The following SLC2A4RG variants were observed in gnomAD, a reference collection of about 807,000 sequenced individuals.
The protein encoded by SLC2A4RG is SLC2A4 regulator.
In SLC2A4RG, 23 loss-of-function variants were observed where a neutral mutation model predicts 35.5. The observed-to-expected ratio is 0.65, with a 90% CI of 0.47 to 0.92. SLC2A4RG has a LOEUF of 0.92. Ranked by LOEUF, SLC2A4RG falls within the 40% of genes least tolerant of loss-of-function variation. The pLI, the probability that SLC2A4RG is intolerant of heterozygous loss-of-function variation, is 0.00. For synonymous variants in SLC2A4RG, 306 were observed against 243.7 expected (o/e 1.26, Z -2.38); for missense variants, 539 against 525.0 (o/e 1.03, Z -0.26).
At position 63,741,932 on chromosome 20, in the gene SLC2A4RG, G is replaced by A; in HGVS notation, c.455G>A (p.Ser152Asn). The A allele has an allele frequency of 6.2e-7, 1 of 1,612,566 alleles. No homozygotes were observed. Among genetic ancestry groups the A allele is most frequent in the Non-Finnish European group, 8.5e-7 (1 of 1,179,728 alleles). The change falls in exon 4 of 8, where the codon AGC becomes AAC. Residue 152 changes from serine to asparagine, a missense_variant. Ser to Asn is a conservative substitution (Grantham distance 46). Coordinates refer to ENST00000266077, the MANE Select transcript of SLC2A4RG (RefSeq NM_020062.4). Reference protein sequence around the residue: ...VRPPGSYSSSSNSGDWGWDLA... With the variant: ...VRPPGSYSSSNNSGDWGWDLA... ...CCCCCAGGCAGCTACAGCAGCAGCA[G>A]CAACAGTGGAGACTGGGGATGGGAC...
In SLC2A4RG at chr20:63,740,487, G is replaced by A; in HGVS notation, c.237G>A (p.Ala79=). 1 of 1,229,880 alleles carries A rather than the reference G, an allele frequency of 8.1e-7. No individual in the cohort carries two copies. The highest frequency in any genetic ancestry group is 4.1e-5 in the South Asian group (1 of 24,362). The allele number at this position is 1,229,880 out of a possible 1,614,324, so 76.2% of individuals were successfully genotyped here. ...CCCGGACGTGGACGGGGGCGGCGGCGGGGCCCCGGACTCCGTCGGCGCACA... is the reference window on the plus strand; with the variant it reads ...CCCGGACGTGGACGGGGGCGGCGGCAGGGCCCCGGACTCCGTCGGCGCACA... ...GAPRTWTGAA[A]GPRTPSAHIP... is the part of the protein sequence containing the mutation. The change falls in exon 2 of 8, where the codon GCG becomes GCA. Residue 79 remains alanine, a synonymous_variant. Coordinates refer to ENST00000266077, the MANE Select transcript of SLC2A4RG (RefSeq NM_020062.4).
At position 63,739,863 on chromosome 20, in the gene SLC2A4RG, C is replaced by A. The variant is rs961768806; in HGVS notation, c.-50C>A. ...AGCCCGGCCCGGCCCGGGGCCGCGT[C>A]CTGAGAGTCAGCCCTCGCCGCTGCA... On this transcript the variant is annotated 5_prime_UTR_variant, in exon 1 of 8. Transcript: ENST00000266077. The A allele has an allele frequency of 2.0e-6, 2 of 977,372 alleles. No individual in the cohort carries two copies. The highest frequency in any genetic ancestry group is 1.8e-5 in the African/African-American group (1 of 56,142). 60.5% of individuals were successfully genotyped at this position (977,372 alleles called of 1,614,324 possible). A position where few individuals can be genotyped will look rare whatever the true frequency, so the allele number is the denominator to read the frequency against.
rs1460397387 is a variant in SLC2A4RG, at chr20:63,743,021, C to T, written c.*31C>T. 3 of 1,545,782 alleles carry T rather than the reference C, an allele frequency of 1.9e-6. No individual in the cohort carries two copies. Among genetic ancestry groups the T allele is most frequent in the Non-Finnish European group, 2.6e-6 (3 of 1,137,928 alleles). On this transcript the variant is annotated 3_prime_UTR_variant, in exon 8 of 8. Transcript: ENST00000266077. ...GCTCGTTCAAGAACATAAGCTACCA[C>T]CTTCTCCCTCCCCACCCCCTCCAGG...
chr20:63,740,321 G>T, intron 1 of SLC2A4RG, 56 bp from the exon 2 acceptor site: 1 of 1,127,492 alleles, frequency 8.9e-7, no homozygotes. Context: ...GGAGGTTGAG[G>T]GACCCCCCTC....
chr20:63,743,995 T>A lies in SLC2A4RG; in HGVS notation c.*1005T>A, dbSNP rs2145727192. On this transcript the variant is annotated 3_prime_UTR_variant, in exon 8 of 8. Coordinates refer to ENST00000266077, the MANE Select transcript of SLC2A4RG (RefSeq NM_020062.4). ...AACACTGCCCTTTTTTTGTGTGTTTTGTTTTTGTTGACAGGTTGAAAGCAT... is the reference window on the plus strand; with the variant it reads ...AACACTGCCCTTTTTTTGTGTGTTTAGTTTTTGTTGACAGGTTGAAAGCAT... 1 of 149,384 alleles carries A rather than the reference T, an allele frequency of 6.7e-6. No homozygotes were observed. The highest frequency in any genetic ancestry group is 2.6e-5 in the African/African-American group (1 of 38,416). The allele number at this position is 149,384 out of a possible 1,614,324, so 9.3% of individuals were successfully genotyped here. A position where few individuals can be genotyped will look rare whatever the true frequency, so the allele number is the denominator to read the frequency against.
chr20:63,743,074 C>T lies in SLC2A4RG; in HGVS notation c.*84C>T. ...CGGGGCTGAAACAGCCCGAGGACAG[C>T]CCCAGGGGCTGGCTTTCACCAGCTG... On this transcript the variant is annotated 3_prime_UTR_variant, in exon 8 of 8. Coordinates refer to ENST00000266077, the MANE Select transcript of SLC2A4RG (RefSeq NM_020062.4). 1.1e-6 allele frequency: 1 copy of T among 933,334 alleles called. No homozygotes were observed. The highest frequency in any genetic ancestry group is 1.5e-6 in the Non-Finnish European group (1 of 685,568). The allele number at this position is 933,334 out of a possible 1,614,324, so 57.8% of individuals were successfully genotyped here. A position where few individuals can be genotyped will look rare whatever the true frequency, so the allele number is the denominator to read the frequency against.
chr20:63,741,086 C>T (rs1475554020), intron 2 of SLC2A4RG, among the ~76,000 whole-genome samples: 3 of 152,216 alleles, frequency 2.0e-5, no homozygotes, highest in African/African-American at 7.2e-5. Flanking sequence ...TCTGCCAGGG[C>T]TTCAGACCCC....
At chr20:63,742,087 C>A (rs376993188) in intron 4 of SLC2A4RG, 31 bp downstream of exon 4, 117 of 1,604,712 alleles carry the variant, frequency 7.3e-5, no homozygotes, top group Non-Finnish European at 9.9e-5. Context: ...CAGGGAGGGG[C>A]GGGTGTGGCG....
Position 63,739,943 on chromosome 20 carries a change from C to A in SLC2A4RG, c.31C>A (p.Arg11=), listed in dbSNP as rs997294529. Residue 11 remains arginine, a synonymous_variant, in exon 1 of 8, where the codon CGG becomes AGG. Transcript: ENST00000266077. ...GCGCCCCCCGCCCCGCGCCGCCGGC[C>A]GGGACCCCAGTGCGCTGCGGGCCGA... The part of the protein sequence containing the change: MERPPPRAAG[R]DPSALRAEAP... 1.4e-4 allele frequency: 133 copies of A among 979,812 alleles called. No individual in the cohort carries two copies. The highest frequency in any genetic ancestry group is 1.3e-4 in the Non-Finnish European group (104 of 828,092). 60.7% of individuals were successfully genotyped at this position (979,812 alleles called of 1,614,324 possible).
In SLC2A4RG at chr20:63,743,131, G is replaced by T; in HGVS notation, c.*141G>T. 1 of 302,994 alleles carries T rather than the reference G, an allele frequency of 3.3e-6. No homozygotes were observed. Among genetic ancestry groups the T allele is most frequent in the South Asian group, 2.5e-5 (1 of 40,394 alleles). 18.8% of individuals were successfully genotyped at this position (302,994 alleles called of 1,614,324 possible). On this transcript the variant is annotated 3_prime_UTR_variant, in exon 8 of 8. Transcript: ENST00000266077. ...CTGCTTTTACTTGGGGTGGGGGGGCGGGGCTGACCCTGAACCCTCCCCCCC... is the reference window on the plus strand; with the variant it reads ...CTGCTTTTACTTGGGGTGGGGGGGCTGGGCTGACCCTGAACCCTCCCCCCC...
chr20:63,742,833 G>C (rs1267131625), intron 7 of SLC2A4RG, 43 bp downstream of exon 7: 27 of 1,585,490 alleles, frequency 1.7e-5, no homozygotes, highest in Non-Finnish European at 2.3e-5. Flanking sequence ...CAGGTGGGGA[G>C]GGTCCTGGTC....
chr20:63,742,264 G>C (rs370814297), intron 5 of SLC2A4RG, 34 bp downstream of exon 5: 1 of 1,588,328 alleles, frequency 6.3e-7, no homozygotes, highest in Non-Finnish European at 8.6e-7. Flanking sequence ...CGGGGCCTGC[G>C]GGTTGGCTGG....
chr20:63,743,393 G>C lies in SLC2A4RG; in HGVS notation c.*403G>C, dbSNP rs113599520. ...CTCCCCCACTCGCACTTAACTCAAC[G>C]GCTCTCGGGCCCTGGGGCTGTTTTT... On this transcript the variant is annotated 3_prime_UTR_variant, in exon 8 of 8. Coordinates refer to ENST00000266077, the MANE Select transcript of SLC2A4RG (RefSeq NM_020062.4). The C allele has an allele frequency of 2.1e-3, 357 of 166,792 alleles. 2 individuals carry two copies. Among genetic ancestry groups the C allele is most frequent in the African/African-American group, 8.0e-3 (336 of 41,992 alleles). 10.3% of individuals were successfully genotyped at this position (166,792 alleles called of 1,614,324 possible). A position where few individuals can be genotyped will look rare whatever the true frequency, so the allele number is the denominator to read the frequency against.
chr20:63,741,161 T>A lies in SLC2A4RG; in HGVS notation c.282-209T>A, dbSNP rs780656589. The A allele has an allele frequency of 1.0e-5, 6 of 582,270 alleles. No individual in the cohort carries two copies. In the East Asian group the frequency reaches 1.4e-4, roughly 14 times the overall value. The allele number at this position is 582,270 out of a possible 1,614,324, so 36.1% of individuals were successfully genotyped here. ...AGCCCGCGATGTGGAGAACTCAGGCTTCAGGAGACCCTGGCCCTGCTCCTG... is the reference window on the plus strand; with the variant it reads ...AGCCCGCGATGTGGAGAACTCAGGCATCAGGAGACCCTGGCCCTGCTCCTG... On this transcript the variant is annotated intron_variant, in intron 2 of 7. Transcript: ENST00000266077.
At position 63,741,920 on chromosome 20, in the gene SLC2A4RG, ACAG is replaced by A. The variant is rs770015944; in HGVS notation, c.455_457del (p.Ser152del). On this transcript the variant is annotated inframe_deletion, in exon 4 of 8. Transcript: ENST00000266077. ...GCCCTGGTGCGGCCCCCAGGCAGCTACAGCAGCAGCAGCAACAGTGGAGACTGG... is the reference window on the plus strand; with the variant it reads ...GCCCTGGTGCGGCCCCCAGGCAGCTACAGCAGCAGCAACAGTGGAGACTGG... The A allele has an allele frequency of 6.2e-6, 10 of 1,611,804 alleles. No homozygotes were observed. Among genetic ancestry groups the A allele is most frequent in the East Asian group, 2.2e-5 (1 of 44,830 alleles).
intron 1 of SLC2A4RG, 53 bp from the exon 2 acceptor site, chr20:63,740,324 C>A (rs1321939120): frequency 1.8e-5 from 20 of 1,123,298 alleles, no homozygotes; most frequent in Non-Finnish European, 2.0e-5. Context: ...GGTTGAGGGA[C>A]CCCCCTCCCC....
rs1361561889 is a variant in SLC2A4RG at position 63,739,898 on chromosome 20, C to CCCGG, written c.-4_-1dup. The CCCGG allele has an allele frequency of 3.0e-5, 29 of 978,900 alleles. No homozygotes were observed. Among genetic ancestry groups the CCCGG allele is most frequent in the Non-Finnish European group, 2.8e-5 (23 of 827,786 alleles). The allele number at this position is 978,900 out of a possible 1,614,324, so 60.6% of individuals were successfully genotyped here. ...AGCCCTCGCCGCTGCAGCCTCGGCGCCCGGCCGGCCGGCCATGGAGCGCCC... is the reference window on the plus strand; with the variant it reads ...AGCCCTCGCCGCTGCAGCCTCGGCGCCCGGCCGGCCGGCCGGCCATGGAGCGCCC... On this transcript the variant is annotated 5_prime_UTR_variant, in exon 1 of 8. Transcript: ENST00000266077.
intron 3 of SLC2A4RG, 103 bp downstream of exon 3, chr20:63,741,582 C>T (rs1429176326): frequency 1.6e-6 from 2 of 1,213,448 alleles, no homozygotes; most frequent in South Asian, 1.5e-5. Flanking sequence ...AAACCTGGGA[C>T]TCCTTTCTAA....
chr20:63,741,726 G>C (rs2253829), intron 3 of SLC2A4RG, 143 bp from the exon 4 acceptor site: 336,788 of 1,418,944 alleles, frequency 0.24, 44,441 homozygotes, highest in East Asian at 0.59. Flanking sequence ...TGCCGGGGGG[G>C]TTTCTCCCCA....
Sources: gnomAD v4.1 joint callset for allele counts (sites outside exome capture counted in the v4.1 genomes callset) on GRCh38, gnomAD v4.1.1 for gene constraint, MANE v1.5 for transcripts, NCBI Gene and HGNC (gene_info 2026-07-23, HGNC 2026-07-21) for gene names.